DNAH17: variants seen among roughly 807,000 people sequenced by gnomAD.
DNAH17 encodes the protein axonemal beta dynein heavy chain 17.
In DNAH17, 376 loss-of-function variants were observed where a neutral mutation model predicts 485.6. The ratio of observed to expected loss-of-function variants is 0.77; its 90% CI spans 0.71 to 0.84. The LOEUF (loss-of-function observed/expected upper bound fraction) is 0.84. DNAH17 is among the 40% of genes least tolerant of loss of function. DNAH17 has a pLI of 0.00. For synonymous variants in DNAH17, 3,031 were observed against 2,405.9 expected (o/e 1.26, Z -7.60); for missense variants, 6,370 against 5,839.3 (o/e 1.09, Z -2.96).
rs181343209 is a variant in DNAH17 at position 78,506,180 on chromosome 17, G to A, written c.4803+540C>T. Reference sequence around the variant, plus strand: ...TTTTGAGACAGAGTCTCACTCTGTCGCCCAGGCTGGAGTGCAGTGGTGCGA... The same window carrying A: ...TTTTGAGACAGAGTCTCACTCTGTCACCCAGGCTGGAGTGCAGTGGTGCGA... On this transcript the variant is annotated intron_variant, in intron 30 of 80. Transcript: ENST00000389840. Among the ~76,000 whole-genome samples, 859 of 131,966 alleles carry A rather than the reference G, an allele frequency of 6.5e-3. 1 individual carries two copies. The highest frequency in any genetic ancestry group is 9.8e-3 in the Non-Finnish European group (629 of 64,460). 86.6% of individuals were successfully genotyped at this position (131,966 alleles called of 152,430 possible). A position where few individuals can be genotyped will look rare whatever the true frequency, so the allele number is the denominator to read the frequency against.
chr17:78,543,350 G>A (rs2091656375), intron 17 of DNAH17, among the ~76,000 whole-genome samples: 4 of 151,404 alleles, frequency 2.6e-5, no homozygotes, highest in African/African-American at 9.7e-5. Flanking sequence ...GATTGCAGTG[G>A]CGCAATCTTG....
intron 54 of DNAH17, among the ~76,000 whole-genome samples, chr17:78,471,221 C>G (rs56272547): frequency 0.12 from 18,766 of 152,242 alleles, 1,237 homozygotes; most frequent in South Asian, 0.19. Flanking sequence ...AGAGAAACCT[C>G]ACCAGGCCTC....
intron 14 of DNAH17, among the ~76,000 whole-genome samples, chr17:78,557,665 T>TAAAAAAAAAA (rs2092056440): frequency 1.1e-5 from 1 of 88,602 alleles, no homozygotes; most frequent in African/African-American, 4.3e-5. Flanking sequence ...AAAAAAAAAG[T>TAAAAAAAAAA]AACGTAAGCC....
Position 78,543,907 on chromosome 17 carries a change from G to A in DNAH17, c.2482C>T (p.Arg828Cys), listed in dbSNP as rs777090859. The A allele has an allele frequency of 1.5e-5, 25 of 1,613,890 alleles. No homozygotes were observed. Among genetic ancestry groups the A allele is most frequent in the East Asian group, 1.1e-4 (5 of 44,900 alleles). The change falls in exon 17 of 81, where the codon CGC becomes TGC. Residue 828 changes from arginine to cysteine, a missense_variant. By Grantham distance (180) the Arg-to-Cys change is radical (BLOSUM62 -3). Coordinates refer to ENST00000389840, the MANE Select transcript of DNAH17 (RefSeq NM_173628.4). Reference protein sequence around the residue: ...LDGRIANLNKRYAAVRDAGVK... With the variant: ...LDGRIANLNKCYAAVRDAGVK... The stretch of plus-strand genomic sequence containing the variant: ...CCAGCATCCCTGACTGCTGCGTAGC[G>A]CTTGTTGAGGTTGGCAATTCTTCCA...
At chr17:78,524,263 G>T (rs568438202) in intron 25 of DNAH17, among the ~76,000 whole-genome samples, 2 of 152,098 alleles carry the variant, frequency 1.3e-5, no homozygotes, top group African/African-American at 4.8e-5. Context: ...TCAGCTTCCC[G>T]AGTAGCTGGG....
chr17:78,552,583 A>G (rs1169774658), intron 15 of DNAH17, 114 bp downstream of exon 15: 1 of 633,300 alleles, frequency 1.6e-6, no homozygotes, highest in Non-Finnish European at 2.8e-6. Context: ...AAGTTAAAGC[A>G]GATCCACACA....
rs1181062369 is a variant in DNAH17 at position 78,552,578 on chromosome 17, A to C, written c.2287+119T>G. ...ACTATCCTTTAGCCCCCTTGAAGTTAAAGCAGATCCACACAGCCAGGAGGC... is the reference window on the plus strand; with the variant it reads ...ACTATCCTTTAGCCCCCTTGAAGTTCAAGCAGATCCACACAGCCAGGAGGC... On this transcript the variant is annotated intron_variant, in intron 15 of 80. Coordinates refer to ENST00000389840, the MANE Select transcript of DNAH17 (RefSeq NM_173628.4). 2.2e-5 allele frequency: 13 copies of C among 585,802 alleles called. No individual in the cohort carries two copies. In the African/African-American group the frequency reaches 2.3e-4, roughly 10 times the overall value. 36.3% of individuals were successfully genotyped at this position (585,802 alleles called of 1,614,324 possible).
intron 14 of DNAH17, among the ~76,000 whole-genome samples, chr17:78,553,025 C>T (rs532455464): frequency 6.6e-6 from 1 of 152,226 alleles, no homozygotes; most frequent in East Asian, 1.9e-4. Context: ...TAGCATCACC[C>T]CCCGATGCCG....
intron 44 of DNAH17, among the ~76,000 whole-genome samples, chr17:78,487,310 T>C (rs934016669): frequency 2.0e-5 from 3 of 152,146 alleles, no homozygotes; most frequent in Non-Finnish European, 1.5e-5. Context: ...AAGGACTACA[T>C]GGGCTGATAT....
chr17:78,491,977 G>C (rs1184953583), intron 42 of DNAH17, among the ~76,000 whole-genome samples: 1 of 152,200 alleles, frequency 6.6e-6, no homozygotes, highest in Non-Finnish European at 1.5e-5. Context: ...CAAGGTGGGG[G>C]CTGGGGGTAC....
chr17:78,486,010 A>T lies in DNAH17; in HGVS notation c.7225T>A (p.Trp2409Arg), dbSNP rs763832165. The change falls in exon 46 of 81, where the codon TGG becomes AGG. Residue 2409 changes from tryptophan to arginine, a missense_variant. Trp to Arg is a moderately radical substitution (Grantham distance 101). Coordinates refer to ENST00000389840, the MANE Select transcript of DNAH17 (RefSeq NM_173628.4). ...IDPDTKKFLPWTDKVPSFELD... is the reference protein window; with the variant it reads ...IDPDTKKFLPRTDKVPSFELD... ...TCAAAGGAGGGCACTTTATCTGTCCAGGGCAGGAACTTTTTTGTGTCAGGA... is the reference window on the plus strand; with the variant it reads ...TCAAAGGAGGGCACTTTATCTGTCCTGGGCAGGAACTTTTTTGTGTCAGGA... The T allele has an allele frequency of 6.2e-7, 1 of 1,613,908 alleles. No individual in the cohort carries two copies. The highest frequency in any genetic ancestry group is 8.5e-7 in the Non-Finnish European group (1 of 1,179,896).
In DNAH17 at chr17:78,543,840, C is replaced by G. The variant is rs1430776657; in HGVS notation, c.2532+17G>C. On this transcript the variant is annotated intron_variant, in intron 17 of 80. Transcript: ENST00000389840. ...AAGCAAGTGGGTTCTCAAAAAACCT[C>G]CTGGGTGTTTCCTTACTGCAACCAT... is the stretch of plus-strand genomic sequence containing the variant. 5 of 1,613,874 alleles carry G rather than the reference C, an allele frequency of 3.1e-6. No homozygotes were observed. The highest frequency in any genetic ancestry group is 1.7e-5 in the Admixed American group (1 of 60,014).
At chr17:78,559,674 A>C (rs997156058) in intron 13 of DNAH17, among the ~76,000 whole-genome samples, 1 of 152,068 alleles carries the variant, frequency 6.6e-6, no homozygotes, top group Non-Finnish European at 1.5e-5. Context: ...ACAACTAGAA[A>C]TCTAATCGCA....
At chr17:78,476,869 TG>T in intron 51 of DNAH17, 136 bp from the exon 52 acceptor site, 1 of 1,086,306 alleles carries the variant, frequency 9.2e-7, no homozygotes, top group Non-Finnish European at 1.3e-6. Flanking sequence ...AGCATTCACT[TG>T]GGGCCAGGGA....
rs898755925 is a variant in DNAH17 at position 78,491,477 on chromosome 17, A to G, written c.6635T>C (p.Ile2212Thr). ...ATCCATGACTGTGTTGAGAGACTCG[A>G]TCCACATGGGGTCTATGTCTCCGTC... is the stretch of plus-strand genomic sequence containing the variant. ...ILDGDIDPMW[I>T]ESLNTVMDDN... is the part of the protein sequence containing the mutation. Residue 2212 changes from isoleucine to threonine, a missense_variant, in exon 43 of 81, where the codon ATC becomes ACC. By Grantham distance (89) the Ile-to-Thr change is moderately conservative. Transcript: ENST00000389840. 5 of 1,613,218 alleles carry G rather than the reference A, an allele frequency of 3.1e-6. No individual in the cohort carries two copies. The African/African-American group carries it at 6.7e-5, about 22-fold the overall frequency.
At position 78,526,676 on chromosome 17, in the gene DNAH17, G is replaced by C; in HGVS notation, c.3686C>G (p.Pro1229Arg). The C allele has an allele frequency of 6.2e-7, 1 of 1,610,700 alleles. No individual in the cohort carries two copies. Among genetic ancestry groups the C allele is most frequent in the Non-Finnish European group, 8.5e-7 (1 of 1,177,562 alleles). ...CTTATTCAGGGACTTGTAGGGGTTG[G>C]GGTCGCTGAAGGAGAACGGGGCCTC... is the stretch of plus-strand genomic sequence containing the variant. Reference protein sequence around the residue: ...RREAPFSFSDPNPYKSLNKQQ... With the variant: ...RREAPFSFSDRNPYKSLNKQQ... Residue 1229 changes from proline to arginine, a missense_variant, in exon 24 of 81, where the codon CCC (proline) becomes CGC (arginine). Pro to Arg is a moderately radical substitution (Grantham distance 103, BLOSUM62 -2). Transcript: ENST00000389840.
chr17:78,450,206 T>C (rs747994374), intron 68 of DNAH17, 48 bp downstream of exon 68: 57 of 1,607,050 alleles, frequency 3.5e-5, no homozygotes, highest in Non-Finnish European at 4.8e-5. Context: ...GGAGCCCAGA[T>C]GCAGCCCCAC....
chr17:78,465,201 G>A (rs2088360917), intron 56 of DNAH17, among the ~76,000 whole-genome samples: 1 of 152,192 alleles, frequency 6.6e-6, no homozygotes, highest in Non-Finnish European at 1.5e-5. Context: ...CGAGGTGCCG[G>A]GATTGCAGAC....
At chr17:78,431,212 G>A (rs1220156282) in intron 75 of DNAH17, among the ~76,000 whole-genome samples, 1 of 152,108 alleles carries the variant, frequency 6.6e-6, no homozygotes, top group Non-Finnish European at 1.5e-5. Flanking sequence ...AAACGTTAAT[G>A]TTTTCCACAT....
Sources: gnomAD v4.1 joint callset for allele counts (sites outside exome capture counted in the v4.1 genomes callset) on GRCh38, gnomAD v4.1.1 for gene constraint, MANE v1.5 for transcripts, NCBI Gene and HGNC (gene_info 2026-07-23, HGNC 2026-07-21) for gene names.